Variants in VWA3A observed in about 807,000 individuals in gnomAD.
VWA3A encodes the protein von Willebrand factor A domain containing 3A, also known as von Willebrand factor A domain-containing protein 3A.
VWA3A carries 134 observed loss-of-function variants against 160.4 expected under a neutral mutation model. The observed-to-expected ratio is 0.84, with a 90% CI of 0.73 to 0.96. VWA3A has a LOEUF of 0.96. Ranked by LOEUF, VWA3A falls within the 40% of genes least tolerant of loss-of-function variation. The probability of loss-of-function intolerance (pLI) is 0.00; values close to 1 mark genes in which losing one functional copy is unlikely to be tolerated. For missense variants in VWA3A, 1,310 were observed against 1,447.9 expected (o/e 0.90, Z 1.55); for synonymous variants, 476 against 543.4 (o/e 0.88, Z 1.72).
intron 1 of VWA3A, among the ~76,000 whole-genome samples, chr16:22,095,791 G>A (rs984597307): frequency 1.3e-5 from 2 of 152,008 alleles, no homozygotes; most frequent in African/African-American, 4.8e-5. Flanking sequence ...TGAACTCCTG[G>A]CCTCAAGTGA....
intron 8 of VWA3A, among the ~76,000 whole-genome samples, chr16:22,111,567 C>A (rs893690582): frequency 9.9e-5 from 15 of 151,812 alleles, no homozygotes; most frequent in African/African-American, 3.4e-4. Context: ...ATGCAACCTC[C>A]ACCCCACGGG....
Position 22,103,474 on chromosome 16 carries a change from G to A in VWA3A, c.429-1G>A. 3.2e-6 allele frequency: 5 copies of A among 1,551,646 alleles called. No homozygotes were observed. Among genetic ancestry groups the A allele is most frequent in the Non-Finnish European group, 4.4e-6 (5 of 1,146,916 alleles). ...GATGAGTCTTTCTGATGTCTTGACA[G>A]CACTATTGAAGTCTATCAAGAGAGA... On this transcript the variant is annotated splice_acceptor_variant, in intron 5 of 33. Coordinates refer to ENST00000389398, the MANE Select transcript of VWA3A (RefSeq NM_173615.5). LOFTEE classifies it high-confidence loss of function.
chr16:22,140,998 A>G (rs1219929175), intron 23 of VWA3A, among the ~76,000 whole-genome samples: 2 of 152,206 alleles, frequency 1.3e-5, no homozygotes, highest in African/African-American at 2.4e-5. Context: ...GTGCCAGCCC[A>G]TCTGCTAAGA....
At position 22,141,562 on chromosome 16, in the gene VWA3A, A is replaced by T; in HGVS notation, c.2384-20A>T. ...AGAATGCATGCAGCTGCTCCAGCCA[A>T]CAAGCCAAATGTTCCTCAGCTGCGG... On this transcript the variant is annotated intron_variant, in intron 23 of 33. Coordinates refer to ENST00000389398, the MANE Select transcript of VWA3A (RefSeq NM_173615.5). The T allele has an allele frequency of 6.3e-7, 1 of 1,595,708 alleles. No homozygotes were observed. Among genetic ancestry groups the T allele is most frequent in the Non-Finnish European group, 8.5e-7 (1 of 1,171,164 alleles).
At chr16:22,119,542 G>A (rs917908777) in intron 12 of VWA3A, among the ~76,000 whole-genome samples, 2 of 152,176 alleles carry the variant, frequency 1.3e-5, no homozygotes, top group Admixed American at 6.5e-5. Flanking sequence ...ACGATGGCAT[G>A]TGCCTGTAGT....
Position 22,106,001 on chromosome 16 carries a change from A to G in VWA3A, c.483+2472A>G, listed in dbSNP as rs571157750. ...GCTGTCGGGGGAAAAAACATGACCA[A>G]TACTAAGGTCCTGCCTTCATGGAGC... On this transcript the variant is annotated intron_variant, in intron 6 of 33. Coordinates refer to ENST00000389398, the MANE Select transcript of VWA3A (RefSeq NM_173615.5). 2.4e-4 allele frequency among the ~76,000 whole-genome samples: 37 copies of G among 152,328 alleles called. 1 individual carries two copies. The highest frequency in any genetic ancestry group is 2.2e-3 in the Admixed American group (33 of 15,298).
chr16:22,100,603 G>T lies in VWA3A; in HGVS notation c.428+110G>T, dbSNP rs978451802. The T allele has an allele frequency of 7.7e-6, 8 of 1,040,796 alleles. No homozygotes were observed. In the African/African-American group the frequency reaches 1.3e-4, roughly 16 times the overall value. The allele number at this position is 1,040,796 out of a possible 1,614,324, so 64.5% of individuals were successfully genotyped here. A position where few individuals can be genotyped will look rare whatever the true frequency, so the allele number is the denominator to read the frequency against. On this transcript the variant is annotated intron_variant, in intron 5 of 33. Coordinates refer to ENST00000389398, the MANE Select transcript of VWA3A (RefSeq NM_173615.5). ...TAATCCCAGTACTTTGGGAGGCCGA[G>T]GCAGGTGGATCACTTGAGGTCAAGA... is the stretch of plus-strand genomic sequence containing the variant.
In VWA3A at chr16:22,116,993, G is replaced by C. The variant is rs74411669; in HGVS notation, c.925-118G>C. On this transcript the variant is annotated intron_variant, in intron 10 of 33. Coordinates refer to ENST00000389398, the MANE Select transcript of VWA3A (RefSeq NM_173615.5). ...CCAGAATGCACCTGTCCCTGTGCCT[G>C]GTTCTCCCTTTGGTAAAATGGGAAG... The C allele has an allele frequency of 1.6e-3, 2,210 of 1,422,978 alleles. 29 individuals are homozygous for C. The African/African-American group carries it at 0.028, about 18-fold the overall frequency. 88.1% of individuals were successfully genotyped at this position (1,422,978 alleles called of 1,614,324 possible). A position where few individuals can be genotyped will look rare whatever the true frequency, so the allele number is the denominator to read the frequency against.
At chr16:22,114,040 G>A (rs200079723) in intron 8 of VWA3A, among the ~76,000 whole-genome samples, 1 of 149,836 alleles carries the variant, frequency 6.7e-6, no homozygotes. Flanking sequence ...AAAAAAAAAA[G>A]AAAGCAGCCA....
At chr16:22,100,532 C>T in intron 5 of VWA3A, 39 bp downstream of exon 5, 1 of 1,535,860 alleles carries the variant, frequency 6.5e-7, no homozygotes, top group Non-Finnish European at 8.8e-7. Context: ...CACCACAGAA[C>T]TCAAGAATTA....
At position 22,156,205 on chromosome 16, in the gene VWA3A, A is replaced by C; in HGVS notation, c.*188A>C. 1 of 419,490 alleles carries C rather than the reference A, an allele frequency of 2.4e-6. No individual in the cohort carries two copies. The highest frequency in any genetic ancestry group is 4.3e-6 in the Non-Finnish European group (1 of 230,948). 26.0% of individuals were successfully genotyped at this position (419,490 alleles called of 1,614,324 possible). On this transcript the variant is annotated 3_prime_UTR_variant, in exon 34 of 34. Transcript: ENST00000389398. Reference sequence around the variant, plus strand: ...GGGGCCATTCCCGGGTCTTAATCTAACTCTCCAGCCCTGTCCCGCAGCGCA... The same window carrying C: ...GGGGCCATTCCCGGGTCTTAATCTACCTCTCCAGCCCTGTCCCGCAGCGCA...
At chr16:22,117,310 A>AGGTAAAATC in intron 11 of VWA3A, 134 bp downstream of exon 11, 3 of 951,474 alleles carry the variant, frequency 3.2e-6, no homozygotes, top group Non-Finnish European at 4.7e-6. Flanking sequence ...CCTGTATTCA[A>AGGTAAAATC]TGAGGTTACA....
intron 22 of VWA3A, among the ~76,000 whole-genome samples, chr16:22,139,902 C>T (rs752270019): frequency 1.3e-5 from 2 of 152,148 alleles, no homozygotes; most frequent in Non-Finnish European, 2.9e-5. Flanking sequence ...CACATGCATA[C>T]ATACACATAT....
At chr16:22,114,329 C>G (rs924315805) in intron 8 of VWA3A, among the ~76,000 whole-genome samples, 21 of 152,198 alleles carry the variant, frequency 1.4e-4, no homozygotes, top group African/African-American at 5.1e-4. Flanking sequence ...TTGTGTGTAC[C>G]CCAACCCATG....
intron 17 of VWA3A, among the ~76,000 whole-genome samples, chr16:22,128,522 T>G (rs1216226120): frequency 6.6e-5 from 10 of 152,206 alleles, no homozygotes; most frequent in Non-Finnish European, 1.5e-5. Context: ...AGCAGTGTGA[T>G]GATTCCTCAA....
At position 22,146,261 on chromosome 16, in the gene VWA3A, C is replaced by T. The variant is rs61744122; in HGVS notation, c.2756C>T (p.Thr919Met). Residue 919 changes from threonine (T) to methionine (M), a missense_variant, in exon 27 of 34, where the codon ACG becomes ATG. Thr to Met is a moderately conservative substitution (Grantham distance 81). Transcript: ENST00000389398. ...IHGVVRHIQWTPREMEVYIRH... is the reference protein window; with the variant it reads ...IHGVVRHIQWMPREMEVYIRH... ...GGAGTGGTGAGACACATCCAGTGGA[C>T]GCCCAGGGAGATGGAGGTGTACATC... The T allele has an allele frequency of 1.5e-4, 237 of 1,613,502 alleles. No homozygotes were observed. Among genetic ancestry groups the T allele is most frequent in the Admixed American group, 2.0e-4 (12 of 59,964 alleles).
rs1796368970 is a variant in VWA3A, at chr16:22,097,667, C to T, written c.197C>T (p.Thr66Ile). ...AATTCGGACAATGGATTATTGGTTA[C>T]ACATGTTAACCAGACACAGGACTTA... is the stretch of plus-strand genomic sequence containing the variant. ...GQNSDNGLLV[T>I]HVNQTQDLLR... Residue 66 changes from threonine (T) to isoleucine (I), a missense_variant, in exon 3 of 34, where the codon ACA (threonine) becomes ATA (isoleucine). By Grantham distance (89) the Thr-to-Ile change is moderately conservative (BLOSUM62 -1). Transcript: ENST00000389398. 4 of 1,551,696 alleles carry T rather than the reference C, an allele frequency of 2.6e-6. No individual in the cohort carries two copies. The highest frequency in any genetic ancestry group is 3.5e-6 in the Non-Finnish European group (4 of 1,146,972).
chr16:22,148,170 C>T lies in VWA3A; in HGVS notation c.2848C>T (p.Arg950Ter), dbSNP rs373911433. The T allele has an allele frequency of 1.9e-5, 31 of 1,600,324 alleles. No homozygotes were observed. The East Asian group carries it at 2.5e-4, about 13-fold the overall frequency. Reference protein sequence around the residue: ...RLQWLLSGSRRLFGTVLESKV... With the variant: ...RLQWLLSGSR The stretch of plus-strand genomic sequence containing the variant: ...CACCTGTCTCGGAGCAGGGAGCCGC[C>T]GACTGTTTGGCACCGTTTTGGAGAG... The change falls in exon 28 of 34, where the codon CGA (arginine) becomes TGA (stop). Residue 950 changes from arginine to a stop codon, truncating the protein, a stop_gained. Coordinates refer to ENST00000389398, the MANE Select transcript of VWA3A (RefSeq NM_173615.5). LOFTEE classifies it high-confidence loss of function.
chr16:22,109,104 AT>A (rs2045518779), intron 6 of VWA3A, among the ~76,000 whole-genome samples: 1 of 152,234 alleles, frequency 6.6e-6, no homozygotes, highest in African/African-American at 2.4e-5. Flanking sequence ...TAGGCAAAAA[AT>A]AAATAAGGAT....
Sources: gnomAD v4.1 joint callset for allele counts (sites outside exome capture counted in the v4.1 genomes callset) on GRCh38, gnomAD v4.1.1 for gene constraint, MANE v1.5 for transcripts, NCBI Gene and HGNC (gene_info 2026-07-23, HGNC 2026-07-21) for gene names.